Variants in PODNL1 observed in about 807,000 individuals in gnomAD.
The protein encoded by PODNL1 is podocan-like protein 1.
A neutral mutation model predicts 45.1 loss-of-function variants in PODNL1; 50 were observed. The observed-to-expected ratio is 1.11, with a 90% CI of 0.88 to 1.40. PODNL1 has a LOEUF of 1.40. PODNL1 is among the 40% of genes most tolerant of loss of function. PODNL1 has a pLI of 0.00. For missense variants in PODNL1, 788 were observed against 793.3 expected (o/e 0.99, Z 0.08); for synonymous variants, 406 against 372.5 (o/e 1.09, Z -1.04).
rs758733245 is a variant in PODNL1 at position 13,947,170 on chromosome 19, G to GAAA, written c.18+5946_18+5948dup. 5.5e-4 allele frequency among the ~76,000 whole-genome samples: 15 copies of GAAA among 27,088 alleles called. 1 individual carries two copies. Among genetic ancestry groups the GAAA allele is most frequent in the African/African-American group, 1.9e-3 (15 of 7,824 alleles). The allele number at this position is 27,088 out of a possible 152,430, so 17.8% of individuals were successfully genotyped here. A position where few individuals can be genotyped will look rare whatever the true frequency, so the allele number is the denominator to read the frequency against. On this transcript the variant is annotated intron_variant, in intron 1 of 7. Coordinates refer to the PODNL1 transcript ENST00000538371. ...GGTGAAAGAGCAAGACTCCATCTCA[G>GAAA]AAAAAAAAAAAAAAAAAAAAAAAAA...
At position 13,932,840 on chromosome 19, in the gene PODNL1, G is replaced by A. The variant is rs139199705; in HGVS notation, c.1383C>T (p.Gly461=). 652 of 1,612,522 alleles carry A rather than the reference G, an allele frequency of 4.0e-4. No homozygotes were observed. The highest frequency in any genetic ancestry group is 2.3e-3 in the Middle Eastern group (14 of 6,060). Reference sequence around the variant, plus strand: ...CATGCCAGGTGCCTGGCCCGATGTCGCCGACCCGGAGCCGGTTGTGCGCCA... The same window carrying A: ...CATGCCAGGTGCCTGGCCCGATGTCACCGACCCGGAGCCGGTTGTGCGCCA... ...LSLAHNRLRV[G]DIGPGTWHEL... Residue 461 remains glycine (G), a synonymous_variant, in exon 8 of 10, where the codon GGC becomes GGT. Transcript: ENST00000588872.
intron 1 of PODNL1, among the ~76,000 whole-genome samples, chr19:13,945,345 C>T (rs1972780608): frequency 6.7e-6 from 1 of 148,798 alleles, no homozygotes; most frequent in Admixed American, 6.7e-5. Context: ...ACCCTCATCT[C>T]TAAAAAAAAA....
upstream of PODNL1, among the ~76,000 whole-genome samples, chr19:13,938,906 G>C (rs1172403125): frequency 6.6e-6 from 1 of 152,186 alleles, no homozygotes; most frequent in Non-Finnish European, 1.5e-5. Context: ...TCCCTTTCTG[G>C]GGTAATGGTT....
At chr19:13,948,367 ATTT>A (rs572142449) in intron 1 of PODNL1, among the ~76,000 whole-genome samples, 2 of 130,504 alleles carry the variant, frequency 1.5e-5, no homozygotes, top group Admixed American at 7.8e-5. Context: ...CGCCCGGCTA[ATTT>A]TTTTTTTTTT....
chr19:13,946,510 G>A (rs1972819723), intron 1 of PODNL1, among the ~76,000 whole-genome samples: 1 of 152,086 alleles, frequency 6.6e-6, no homozygotes, highest in African/African-American at 2.4e-5. Flanking sequence ...GAGGAGTTAG[G>A]ACCACAAGGA....
At chr19:13,937,578 T>G (rs1351281009) in intron 2 of PODNL1, among the ~76,000 whole-genome samples, 1 of 151,980 alleles carries the variant, frequency 6.6e-6, no homozygotes, top group East Asian at 2.0e-4. Flanking sequence ...CCCGACAACT[T>G]CCAGCATGTC....
rs918333211 is a variant in PODNL1, at chr19:13,934,101, G to A, written c.652-108C>T. On this transcript the variant is annotated intron_variant, in intron 6 of 9. Coordinates refer to ENST00000588872, the MANE Select transcript of PODNL1 (RefSeq NM_001370095.3). Reference sequence around the variant, plus strand: ...ACGAGGAGCTTGCCTTGAGCTCAAAGCGATTTCCAATAAAGTGATTCAAAG... The same window carrying A: ...ACGAGGAGCTTGCCTTGAGCTCAAAACGATTTCCAATAAAGTGATTCAAAG... 5.0e-6 allele frequency: 7 copies of A among 1,387,866 alleles called. No individual in the cohort carries two copies. In the Admixed American group the frequency reaches 1.5e-4, roughly 29 times the overall value. 86.0% of individuals were successfully genotyped at this position (1,387,866 alleles called of 1,614,324 possible).
intron 9 of PODNL1, 29 bp downstream of exon 9, chr19:13,931,935 C>T: frequency 1.6e-6 from 2 of 1,232,198 alleles, no homozygotes; most frequent in Non-Finnish European, 1.0e-6. Flanking sequence ...CCCTGCCCAC[C>T]TCCACCCCTC....
upstream of PODNL1, among the ~76,000 whole-genome samples, chr19:13,943,019 C>G (rs901787737): frequency 2.0e-5 from 3 of 150,024 alleles, no homozygotes; most frequent in Non-Finnish European, 4.4e-5. Context: ...CAGAAAGGGC[C>G]AGGCACGGTG....
At chr19:13,938,446 C>T, upstream of PODNL1, 1 of 1,281,880 alleles carries the variant, frequency 7.8e-7, no homozygotes, top group Non-Finnish European at 9.9e-7. Context: ...AACAACCACC[C>T]CATCTCTGCT....
chr19:13,936,437 G>C lies in PODNL1; in HGVS notation c.249C>G (p.Pro83=). ...SLQNNQLQEL[P]YNELSRLSGL... ...CACTGAGGCGGGACAGCTCATTGTA[G>C]GGGAGTTCCTGGAGCTGGTTGTTCT... The change falls in exon 3 of 10, where the codon CCC becomes CCG. Residue 83 remains proline (P), a synonymous_variant. Coordinates refer to ENST00000588872, the MANE Select transcript of PODNL1 (RefSeq NM_001370095.3). 2 of 1,613,380 alleles carry C rather than the reference G, an allele frequency of 1.2e-6. No homozygotes were observed. Among genetic ancestry groups the C allele is most frequent in the Non-Finnish European group, 1.7e-6 (2 of 1,179,582 alleles).
At chr19:13,937,352 C>T (rs1300106186) in intron 2 of PODNL1, among the ~76,000 whole-genome samples, 5 of 99,150 alleles carry the variant, frequency 5.0e-5, no homozygotes, top group African/African-American at 1.3e-4. Context: ...ACCCCAAATG[C>T]GCCATCACCC....
chr19:13,936,409 G>T lies in PODNL1; in HGVS notation c.277C>A (p.Leu93Met). ...PYNELSRLSGLRTLNLHNNLI... is the reference protein window; with the variant it reads ...PYNELSRLSGMRTLNLHNNLI... ...TTGTTGTGGAGGTTGAGGGTTCGCA[G>T]GCCACTGAGGCGGGACAGCTCATTG... The change falls in exon 3 of 10, where the codon CTG becomes ATG. Residue 93 changes from leucine to methionine, a missense_variant. Coordinates refer to ENST00000588872, the MANE Select transcript of PODNL1 (RefSeq NM_001370095.3). 6.2e-7 allele frequency: 1 copy of T among 1,613,644 alleles called. No homozygotes were observed. Among genetic ancestry groups the T allele is most frequent in the Non-Finnish European group, 8.5e-7 (1 of 1,179,730 alleles).
chr19:13,934,631 G>A (rs1356248838), intron 5 of PODNL1, among the ~76,000 whole-genome samples: 2 of 150,044 alleles, frequency 1.3e-5, no homozygotes, highest in Admixed American at 6.6e-5. Context: ...ATGAATAGAC[G>A]TGTGTGCATG....
Position 13,931,326 on chromosome 19 carries a change from G to A in PODNL1, c.*411C>T, listed in dbSNP as rs528846717. ...ACGTGGCTAGGTCGCACAGGGTGCT[G>A]TTTGGTGACCCCAGTGTGTGCCTCA... On this transcript the variant is annotated 3_prime_UTR_variant, in exon 10 of 10. Transcript: ENST00000588872. The A allele has an allele frequency of 1.3e-3, 222 of 174,168 alleles. 2 individuals carry two copies. Among genetic ancestry groups the A allele is most frequent in the African/African-American group, 5.1e-3 (215 of 42,466 alleles). The allele number at this position is 174,168 out of a possible 1,614,324, so 10.8% of individuals were successfully genotyped here.
intron 1 of PODNL1, among the ~76,000 whole-genome samples, chr19:13,946,030 C>A (rs1184631197): frequency 6.6e-6 from 1 of 151,882 alleles, no homozygotes. Flanking sequence ...AGAGCAAGAC[C>A]CTGTTTCTAA....
chr19:13,931,538 C>G lies in PODNL1; in HGVS notation c.*199G>C, dbSNP rs1971940436. ...GTTGGGAGTTTGGGGTAGGGTGTGTCCCGCCAGGCCGGCGTGGTCTGTGAG... is the reference window on the plus strand; with the variant it reads ...GTTGGGAGTTTGGGGTAGGGTGTGTGCCGCCAGGCCGGCGTGGTCTGTGAG... On this transcript the variant is annotated 3_prime_UTR_variant, in exon 10 of 10. Transcript: ENST00000588872. 2 of 494,962 alleles carry G rather than the reference C, an allele frequency of 4.0e-6. No homozygotes were observed. The highest frequency in any genetic ancestry group is 6.3e-6 in the Non-Finnish European group (2 of 315,278). 30.7% of individuals were successfully genotyped at this position (494,962 alleles called of 1,614,324 possible).
Position 13,933,330 on chromosome 19 carries a change from G to A in PODNL1, c.893C>T (p.Ala298Val). 6.2e-7 allele frequency: 1 copy of A among 1,602,932 alleles called. No homozygotes were observed. ...GRNRIRQVEA[A>V]RLHGARGLRY... ...CAGACCACGCGCCCCGTGCAGCCGA[G>A]CCGCCTCCACCTGCCGGATGCGGTT... Residue 298 changes from alanine (A) to valine (V), a missense_variant, in exon 8 of 10, where the codon GCT (alanine) becomes GTT (valine). By Grantham distance (64) the Ala-to-Val change is moderately conservative. This residue lies in a region of PODNL1 where 762 missense variants were observed against 750.9 expected (regional missense o/e 1.01). Transcript: ENST00000588872. This position sits in a 1 kb window ranked among gnomAD's most constrained non-coding sequence, Gnocchi z 5.2.
chr19:13,931,708 C>G lies in PODNL1; in HGVS notation c.*29G>C, dbSNP rs1971949646. 5.7e-6 allele frequency: 7 copies of G among 1,231,728 alleles called. No homozygotes were observed. Among genetic ancestry groups the G allele is most frequent in the Non-Finnish European group, 7.1e-6 (7 of 987,922 alleles). 76.3% of individuals were successfully genotyped at this position (1,231,728 alleles called of 1,614,324 possible). ...CACGGCCCAGCGGAGTCCCAGGAGT[C>G]TGAGCTGCTCTGCTGGGCCTCTCTA... is the stretch of plus-strand genomic sequence containing the variant. On this transcript the variant is annotated 3_prime_UTR_variant, in exon 10 of 10. Transcript: ENST00000588872.
Sources: allele counts gnomAD v4.1 joint callset (sites outside exome capture counted in the v4.1 genomes callset), GRCh38; gene constraint gnomAD v4.1.1; regional missense constraint gnomAD v4.1.1; non-coding constraint Gnocchi (gnomAD v3.1); transcripts MANE v1.5; gene names NCBI Gene and HGNC (gene_info 2026-07-23, HGNC 2026-07-21).